The following C19orf47 variants were observed in gnomAD, a reference collection of about 807,000 sequenced individuals.
C19orf47 encodes the protein chromosome 19 open reading frame 47.
In C19orf47, 18 loss-of-function variants were observed where a neutral mutation model predicts 32.3. The ratio of observed to expected loss-of-function variants is 0.56; its 90% CI spans 0.39 to 0.83. The LOEUF (loss-of-function observed/expected upper bound fraction) is 0.83. Among genes scored for constraint, C19orf47 ranks in the 40% least tolerant of loss-of-function variants. C19orf47 has a pLI of 0.00. For missense variants in C19orf47, 484 were observed against 531.6 expected (o/e 0.91, Z 0.88); for synonymous variants, 202 against 211.1 (o/e 0.96, Z 0.37).
At chr19:40,301,283 C>G in the C19orf47 span, among the ~76,000 whole-genome samples, 27 of 151,654 alleles carry the variant, frequency 1.8e-4, no homozygotes, top group African/African-American at 6.5e-4. Context: ...AGTTTGATGG[C>G]AAGTCCCTGG....
chr19:40,322,362 G>A lies in C19orf47; in HGVS notation c.678C>T (p.Phe226=). Reference sequence around the variant, plus strand: ...TTTCTGGGGTGGCCCCCAGGCGGCTGAAGACTCCTGTGGGCTGTGGAGGTC... The same window carrying A: ...TTTCTGGGGTGGCCCCCAGGCGGCTAAAGACTCCTGTGGGCTGTGGAGGTC... ...TTTGSKPTGV[F]SRLGATPETD... is the part of the protein sequence containing the mutation. Residue 226 remains phenylalanine, a synonymous_variant, in exon 9 of 9, where the codon TTC becomes TTT. Coordinates refer to ENST00000683109, the MANE Select transcript of C19orf47 (RefSeq NM_001256441.2). 3.8e-6 allele frequency: 6 copies of A among 1,590,576 alleles called. No individual in the cohort carries two copies. Among genetic ancestry groups the A allele is most frequent in the Non-Finnish European group, 5.1e-6 (6 of 1,165,660 alleles).
intron 2 of C19orf47, among the ~76,000 whole-genome samples, chr19:40,337,458 C>G (rs1568621704): frequency 6.6e-6 from 1 of 151,884 alleles, no homozygotes; most frequent in Non-Finnish European, 1.5e-5. Context: ...CCTGCCAGGC[C>G]AGGTGATAGC....
At chr19:40,335,227 A>G (rs2078038864) in intron 4 of C19orf47, among the ~76,000 whole-genome samples, 1 of 152,170 alleles carries the variant, frequency 6.6e-6, no homozygotes, top group Non-Finnish European at 1.5e-5. Flanking sequence ...GCTGTGTGAG[A>G]AGCCCATTTC....
chr19:40,305,670 T>C, the C19orf47 span, among the ~76,000 whole-genome samples: 1 of 152,006 alleles, frequency 6.6e-6, no homozygotes, highest in African/African-American at 2.4e-5. Context: ...CACCAGGGTG[T>C]CTCGGAAAAG....
chr19:40,328,338 A>G (rs1489721800), intron 6 of C19orf47, 75 bp downstream of exon 6: 4 of 1,572,406 alleles, frequency 2.5e-6, no homozygotes, highest in Admixed American at 2.0e-5. Context: ...CAATATTGGA[A>G]GCATGACCCC....
At chr19:40,346,201 T>C (rs1383390164) in intron 1 of C19orf47, among the ~76,000 whole-genome samples, 1 of 143,310 alleles carries the variant, frequency 7.0e-6, no homozygotes, top group East Asian at 2.1e-4. Flanking sequence ...GCCAGCACCT[T>C]GGGAGGCTGA....
chr19:40,340,068 G>C (rs367799496), intron 2 of C19orf47, among the ~76,000 whole-genome samples: 1 of 151,756 alleles, frequency 6.6e-6, no homozygotes, highest in Non-Finnish European at 1.5e-5. Context: ...GGAGAAGAGA[G>C]GGGAGTGAGA....
intron 2 of C19orf47, among the ~76,000 whole-genome samples, chr19:40,340,689 G>A (rs1187141047): frequency 1.7e-5 from 2 of 116,000 alleles, no homozygotes; most frequent in African/African-American, 6.7e-5. Context: ...CAAATAAAAA[G>A]GAATACAGGC....
chr19:40,342,601 A>G (rs1294655729), intron 1 of C19orf47, among the ~76,000 whole-genome samples: 1 of 152,200 alleles, frequency 6.6e-6, no homozygotes, highest in East Asian at 1.9e-4. Context: ...AACAGTTAAT[A>G]TAGTACGTTA....
chr19:40,303,671 G>A, the C19orf47 span, among the ~76,000 whole-genome samples: 1 of 151,722 alleles, frequency 6.6e-6, no homozygotes, highest in Non-Finnish European at 1.5e-5. Context: ...GGGCGTGGTG[G>A]CATGCGCCTG....
chr19:40,323,003 G>A (rs1007821519), intron 8 of C19orf47, among the ~76,000 whole-genome samples: 2 of 152,216 alleles, frequency 1.3e-5, no homozygotes, highest in African/African-American at 4.8e-5. Flanking sequence ...CAACTTTGAA[G>A]CCAGGCCCTC....
At chr19:40,342,043 C>T (rs1176992534) in intron 1 of C19orf47, 153 bp from the exon 2 acceptor site, 4 of 985,300 alleles carry the variant, frequency 4.1e-6, no homozygotes, top group Non-Finnish European at 4.8e-6. Flanking sequence ...AGGAAGTCAG[C>T]CTGGGACAGA....
At chr19:40,342,190 T>A in intron 1 of C19orf47, 2 of 522,506 alleles carry the variant, frequency 3.8e-6, no homozygotes, top group Non-Finnish European at 5.9e-6. Flanking sequence ...GCCAAGACTT[T>A]AACAATAAAT....
chr19:40,331,082 C>T (rs2077943612), intron 5 of C19orf47, among the ~76,000 whole-genome samples: 1 of 152,154 alleles, frequency 6.6e-6, no homozygotes, highest in Non-Finnish European at 1.5e-5. Context: ...GAAACGAACC[C>T]TAATTTGCTC....
the C19orf47 span, among the ~76,000 whole-genome samples, chr19:40,311,312 C>T: frequency 6.6e-6 from 1 of 151,356 alleles, no homozygotes; most frequent in Admixed American, 6.6e-5. Flanking sequence ...CCGGGAGGCA[C>T]AGGTTGCGGT....
intron 2 of C19orf47, 84 bp downstream of exon 2, chr19:40,341,755 C>A: frequency 6.6e-7 from 1 of 1,522,886 alleles, no homozygotes. Context: ...TCCTCCCTCC[C>A]CCATCCCATC....
rs181273110 is a variant in C19orf47, at chr19:40,328,392, C to T, written c.439+21G>A. ...CACGTTCCCCTCCAGCTCCTCCTAC[C>T]ACCTGCCCATGTTCCCTCACCAGTG... On this transcript the variant is annotated intron_variant, in intron 6 of 8. Transcript: ENST00000683109. 72 of 1,610,878 alleles carry T rather than the reference C, an allele frequency of 4.5e-5. No individual in the cohort carries two copies. In the African/African-American group the frequency reaches 9.5e-4, roughly 21 times the overall value.
chr19:40,313,343 G>A, the C19orf47 span, among the ~76,000 whole-genome samples: 36 of 151,638 alleles, frequency 2.4e-4, no homozygotes, highest in South Asian at 6.6e-3. Flanking sequence ...TTATTTTTTC[G>A]AGACAGGGGC....
chr19:40,318,281 G>A (rs2077676690), downstream of C19orf47, among the ~76,000 whole-genome samples: 1 of 152,080 alleles, frequency 6.6e-6, no homozygotes, highest in Admixed American at 6.6e-5. Context: ...TAACGGGCAA[G>A]GATTCTGAAG....
Sources: gnomAD v4.1 joint callset for allele counts (sites outside exome capture counted in the v4.1 genomes callset) on GRCh38, gnomAD v4.1.1 for gene constraint, MANE v1.5 for transcripts, NCBI Gene and HGNC (gene_info 2026-07-23, HGNC 2026-07-21) for gene names.